GPC6: variants seen among roughly 807,000 people sequenced by gnomAD.
The protein encoded by GPC6 is glypican-6.
Under a neutral mutation model 55.2 loss-of-function variants are expected in GPC6, and 14 were observed. That is an observed-to-expected ratio of 0.25 (90% CI 0.17 to 0.40). GPC6 has a LOEUF of 0.40. Among genes scored for constraint, GPC6 ranks in the 10% least tolerant of loss-of-function variants. The pLI is 1.00. For missense variants in GPC6, 641 were observed against 708.5 expected (o/e 0.90, Z 1.08); for synonymous variants, 278 against 259.6 (o/e 1.07, Z -0.68).
intron 6 of GPC6, among the ~76,000 whole-genome samples, chr13:94,369,267 T>G (rs534570399): frequency 6.6e-6 from 1 of 152,080 alleles, no homozygotes; most frequent in Non-Finnish European, 1.5e-5. Context: ...AGGTAGCCAG[T>G]GAGGTGGATT....
rs1046051607 is a variant in GPC6 at position 93,930,058 on chromosome 13, TA to T, written c.712-97662del. ...AACTTTTTAATTAAAAAAATAAATT[TA>T]AAAAAAAATGCCAAGACAAAACACA... On this transcript the variant is annotated intron_variant, in intron 3 of 8. Coordinates refer to ENST00000377047, the MANE Select transcript of GPC6 (RefSeq NM_005708.5). 2.4e-4 allele frequency among the ~76,000 whole-genome samples: 37 copies of T among 151,116 alleles called. 1 individual carries two copies. The highest frequency in any genetic ancestry group is 5.3e-4 in the African/African-American group (22 of 41,188).
chr13:93,996,500 G>T (rs1023477586), intron 3 of GPC6, among the ~76,000 whole-genome samples: 3 of 151,796 alleles, frequency 2.0e-5, no homozygotes, highest in Non-Finnish European at 4.4e-5. Flanking sequence ...GAGTCCTTAG[G>T]TGCATGGACC....
chr13:93,740,830 A>G (rs1884174486), intron 2 of GPC6, among the ~76,000 whole-genome samples: 1 of 152,202 alleles, frequency 6.6e-6, no homozygotes, highest in Non-Finnish European at 1.5e-5. Flanking sequence ...ACAATCTGGG[A>G]CATTGTGGCT....
intron 1 of GPC6, among the ~76,000 whole-genome samples, chr13:93,439,693 A>AT (rs1566358051): frequency 6.7e-6 from 1 of 149,300 alleles, no homozygotes; most frequent in African/African-American, 2.5e-5. Context: ...AAATAAATAA[A>AT]AAAAATAAAA....
intron 3 of GPC6, among the ~76,000 whole-genome samples, chr13:93,870,432 T>A (rs1488127695): frequency 6.6e-6 from 1 of 151,952 alleles, no homozygotes; most frequent in Admixed American, 6.6e-5. Flanking sequence ...TACATAAATA[T>A]GCTGGAGAAT....
intron 2 of GPC6, among the ~76,000 whole-genome samples, chr13:93,740,950 AGTT>A (rs1479984726): frequency 6.6e-6 from 1 of 152,052 alleles, no homozygotes; most frequent in African/African-American, 2.4e-5. Flanking sequence ...GGAAATAAGG[AGTT>A]GTTATGGTTT....
chr13:93,722,247 T>C (rs1211899953), intron 2 of GPC6, among the ~76,000 whole-genome samples: 1 of 151,808 alleles, frequency 6.6e-6, no homozygotes, highest in Non-Finnish European at 1.5e-5. Context: ...GTTCCTTTTA[T>C]ATATACTTGT....
At chr13:93,820,643 G>T (rs1594486156) in intron 2 of GPC6, among the ~76,000 whole-genome samples, 1 of 149,670 alleles carries the variant, frequency 6.7e-6, no homozygotes. Context: ...AATAACAATA[G>T]TTTTTCTTAA....
chr13:93,251,742 C>G (rs1003592178), intron 1 of GPC6, among the ~76,000 whole-genome samples: 1 of 152,168 alleles, frequency 6.6e-6, no homozygotes, highest in Non-Finnish European at 1.5e-5. Context: ...TGTTCAGCAA[C>G]AGGGAGAAAA....
intron 6 of GPC6, among the ~76,000 whole-genome samples, chr13:94,307,465 C>T (rs764224974): frequency 2.0e-5 from 3 of 152,126 alleles, no homozygotes; most frequent in Non-Finnish European, 2.9e-5. Context: ...CACAGGCATA[C>T]ACCACCATGC....
chr13:93,573,091 A>G (rs1475484257), intron 2 of GPC6, among the ~76,000 whole-genome samples: 1 of 152,090 alleles, frequency 6.6e-6, no homozygotes. Context: ...TATTGAGTGC[A>G]TATTGTATGC....
At chr13:93,876,940 T>C (rs1230705058) in intron 3 of GPC6, among the ~76,000 whole-genome samples, 1 of 152,034 alleles carries the variant, frequency 6.6e-6, no homozygotes, top group Non-Finnish European at 1.5e-5. Context: ...TCCTCTTGAT[T>C]GGAGATCATT....
intron 1 of GPC6, among the ~76,000 whole-genome samples, chr13:93,470,664 G>A (rs1879077555): frequency 6.6e-6 from 1 of 151,686 alleles, no homozygotes; most frequent in African/African-American, 2.4e-5. Context: ...TAAATGATTT[G>A]GAGAAGTATT....
At chr13:93,989,064 C>A (rs1389548329) in intron 3 of GPC6, among the ~76,000 whole-genome samples, 1 of 152,030 alleles carries the variant, frequency 6.6e-6, no homozygotes, top group Non-Finnish European at 1.5e-5. Flanking sequence ...AACTAAAATG[C>A]TTTTCATACA....
Position 93,907,701 on chromosome 13 carries a change from G to A in GPC6, c.711+77156G>A, listed in dbSNP as rs191481774. ...GACCAGACCAAGTCAGATCTCTGAA[G>A]CTGTGACTCTATTTAGTAGTTTTAT... On this transcript the variant is annotated intron_variant, in intron 3 of 8. Transcript: ENST00000377047. 7.9e-5 allele frequency among the ~76,000 whole-genome samples: 12 copies of A among 152,258 alleles called. No individual in the cohort carries two copies. The East Asian group carries it at 2.1e-3, about 27-fold the overall frequency.
chr13:93,235,917 C>T (rs1396270599), intron 1 of GPC6, among the ~76,000 whole-genome samples: 3 of 152,164 alleles, frequency 2.0e-5, no homozygotes, highest in Admixed American at 6.5e-5. Context: ...TGTCTTTTGG[C>T]TCTCAGATCC....
intron 4 of GPC6, among the ~76,000 whole-genome samples, chr13:94,111,525 TA>T (rs1886250255): frequency 6.7e-6 from 1 of 150,046 alleles, no homozygotes; most frequent in Non-Finnish European, 1.5e-5. Flanking sequence ...CTTCTTAATT[TA>T]AAAAAACTCT....
intron 4 of GPC6, among the ~76,000 whole-genome samples, chr13:94,056,104 C>T (rs79842538): frequency 0.033 from 5,033 of 152,238 alleles, 245 homozygotes; most frequent in African/African-American, 0.1. Context: ...TGTGATTTGT[C>T]AGTCATCTGT....
intron 4 of GPC6, among the ~76,000 whole-genome samples, chr13:94,056,019 C>T (rs1255848127): frequency 6.6e-6 from 1 of 152,146 alleles, no homozygotes; most frequent in Non-Finnish European, 1.5e-5. Flanking sequence ...GGCCCAGCCC[C>T]TCTTAGCTTC....
Sources: allele counts gnomAD v4.1 joint callset (sites outside exome capture counted in the v4.1 genomes callset), GRCh38; gene constraint gnomAD v4.1.1; transcripts MANE v1.5; gene names NCBI Gene and HGNC (gene_info 2026-07-23, HGNC 2026-07-21).